SOX5: variants seen among roughly 807,000 people sequenced by gnomAD.
SOX5 encodes transcription factor SOX-5.
Under a neutral mutation model 92.0 loss-of-function variants are expected in SOX5, and 9 were observed. That is an observed-to-expected ratio of 0.10 (90% CI 0.06 to 0.17). SOX5 has a LOEUF of 0.17. SOX5 is among the 10% of genes least tolerant of loss of function. The probability of loss-of-function intolerance (pLI) is 1.00; values close to 1 mark genes in which losing one functional copy is unlikely to be tolerated. For synonymous variants in SOX5, 344 were observed against 336.3 expected, an observed-to-expected ratio of 1.02 and a Z score of -0.25; for missense variants, 642 against 944.5, an observed-to-expected ratio of 0.68 and a Z score of 4.20.
In SOX5 at chr12:24,074,630, CAAAAAAAAA is replaced by C. The variant is rs76320418; in HGVS notation, c.-2+138704_-2+138712del. On this transcript the variant is annotated intron_variant, in intron 4 of 4. Transcript: ENST00000446891. ...CTTAGTGTTTATTTCTGTAAACTAC[CAAAAAAAAA>C]AAAAAAAAAAAAAAGCTCAATATTC... 3.2e-3 allele frequency among the ~76,000 whole-genome samples: 162 copies of C among 51,280 alleles called. 1 individual carries two copies. Among genetic ancestry groups the C allele is most frequent in the African/African-American group, 0.011 (152 of 13,400 alleles). 33.6% of individuals were successfully genotyped at this position (51,280 alleles called of 152,430 possible).
At chr12:24,553,929 C>CTCCT (rs1953482299) in intron 1 of SOX5, among the ~76,000 whole-genome samples, 1 of 152,210 alleles carries the variant, frequency 6.6e-6, no homozygotes, top group Non-Finnish European at 1.5e-5. Flanking sequence ...GGAAAAGACA[C>CTCCT]TCCTATTCGG....
intron 4 of SOX5, among the ~76,000 whole-genome samples, chr12:24,117,837 T>C (rs974883629): frequency 1.3e-5 from 2 of 151,818 alleles, no homozygotes; most frequent in African/African-American, 2.4e-5. Flanking sequence ...CTGGCCAACA[T>C]AGTGAAACCC....
At chr12:24,099,098 C>T (rs1390843111) in intron 4 of SOX5, among the ~76,000 whole-genome samples, 2 of 152,134 alleles carry the variant, frequency 1.3e-5, no homozygotes, top group Non-Finnish European at 2.9e-5. Flanking sequence ...GGTCTTATTC[C>T]AAATAAAGTT....
intron 2 of SOX5, among the ~76,000 whole-genome samples, chr12:24,347,260 ATAATT>A (rs1340555208): frequency 6.6e-6 from 1 of 152,216 alleles, no homozygotes. Context: ...TAATCTAGAT[ATAATT>A]TAAAGTATAA....
intron 3 of SOX5, among the ~76,000 whole-genome samples, chr12:23,835,025 C>A (rs912805184): frequency 6.6e-6 from 1 of 151,584 alleles, no homozygotes; most frequent in Admixed American, 6.6e-5. Context: ...CTGTAATTAG[C>A]CTAAAGTTTG....
chr12:23,949,756 CTCTCTCTCTG>C (rs1945261907), upstream of SOX5: 103 of 891,782 alleles, frequency 1.2e-4, no homozygotes, highest in Admixed American at 1.4e-4. Context: ...CTCTCTCCCT[CTCTCTCTCTG>C]TCTCTCTCTC....
intron 11 of SOX5, among the ~76,000 whole-genome samples, chr12:23,557,649 TC>T (rs1945413259): frequency 6.6e-6 from 1 of 152,184 alleles, no homozygotes; most frequent in African/African-American, 2.4e-5. Flanking sequence ...TCTGTGTCAT[TC>T]AATTCTTTGT....
chr12:23,846,226 T>C lies in SOX5; in HGVS notation c.271-33A>G, dbSNP rs148177341. On this transcript the variant is annotated intron_variant, in intron 2 of 14. Coordinates refer to ENST00000451604, the MANE Select transcript of SOX5 (RefSeq NM_006940.6). ...AGAAAGCAAAATGACAAATAATTGT[T>C]TACCTGAAAGAGAGAGCAAAAGGAC... 110 of 1,509,696 alleles carry C rather than the reference T, an allele frequency of 7.3e-5. 1 individual carries two copies. In the East Asian group the frequency reaches 1.6e-3, roughly 23 times the overall value. 93.5% of individuals were successfully genotyped at this position (1,509,696 alleles called of 1,614,324 possible). A position where few individuals can be genotyped will look rare whatever the true frequency, so the allele number is the denominator to read the frequency against.
intron 3 of SOX5, among the ~76,000 whole-genome samples, chr12:23,800,248 AAC>A (rs2095636940): frequency 6.6e-6 from 1 of 152,200 alleles, no homozygotes; most frequent in African/African-American, 2.4e-5. Flanking sequence ...GTTTTGTTGG[AAC>A]ACACACAAAA....
chr12:24,287,325 A>G (rs958196790), intron 2 of SOX5, among the ~76,000 whole-genome samples: 18 of 149,186 alleles, frequency 1.2e-4, no homozygotes, highest in African/African-American at 4.4e-4. Flanking sequence ...TTCATTTTTG[A>G]AAAATTTACA....
chr12:23,847,865 C>T (rs2096591705), intron 2 of SOX5, among the ~76,000 whole-genome samples: 5 of 151,984 alleles, frequency 3.3e-5, no homozygotes, highest in Admixed American at 6.6e-5. Flanking sequence ...TACAAACTCC[C>T]GCACGTTAAG....
At chr12:23,657,337 A>C (rs78372293) in intron 7 of SOX5, among the ~76,000 whole-genome samples, 6,880 of 152,226 alleles carry the variant, frequency 0.045, 514 homozygotes, top group African/African-American at 0.15. Context: ...ACAGCAGCTA[A>C]ACCTGTATCC....
At chr12:23,576,334 C>G (rs561136609) in intron 9 of SOX5, among the ~76,000 whole-genome samples, 1 of 152,098 alleles carries the variant, frequency 6.6e-6, no homozygotes, top group East Asian at 1.9e-4. Flanking sequence ...AAATTCAACA[C>G]GCACACACAA....
intron 1 of SOX5, among the ~76,000 whole-genome samples, chr12:23,948,797 A>C (rs190077104): frequency 4.5e-4 from 69 of 152,234 alleles, no homozygotes; most frequent in Non-Finnish European, 7.1e-4. Flanking sequence ...AACAACATCA[A>C]ATAAAAGGAT....
chr12:23,716,027 G>A (rs73282027), intron 6 of SOX5, among the ~76,000 whole-genome samples: 7,327 of 152,074 alleles, frequency 0.048, 606 homozygotes, highest in African/African-American at 0.17. Context: ...TGATTCTAGG[G>A]TTTTCTTGAA....
At chr12:24,020,538 T>C (rs1225845528) in intron 4 of SOX5, among the ~76,000 whole-genome samples, 2 of 152,166 alleles carry the variant, frequency 1.3e-5, no homozygotes, top group South Asian at 2.1e-4. Flanking sequence ...GGCTAAGGTC[T>C]GCTATCATTC....
At chr12:24,447,622 C>A (rs1423777074) in intron 1 of SOX5, among the ~76,000 whole-genome samples, 1 of 152,092 alleles carries the variant, frequency 6.6e-6, no homozygotes, top group African/African-American at 2.4e-5. Flanking sequence ...CAAACTATAA[C>A]AACATAATAT....
At chr12:24,288,301 G>A (rs535391774) in intron 2 of SOX5, among the ~76,000 whole-genome samples, 11 of 152,192 alleles carry the variant, frequency 7.2e-5, no homozygotes, top group African/African-American at 2.7e-4. Context: ...TGCTAAGGTT[G>A]AGAAACCCTG....
At chr12:23,584,080 T>C (rs1471293742) in intron 9 of SOX5, among the ~76,000 whole-genome samples, 2 of 152,064 alleles carry the variant, frequency 1.3e-5, no homozygotes, top group East Asian at 1.9e-4. Context: ...AATGAGCACA[T>C]CAGCATCTCT....
Sources: gnomAD v4.1 joint callset for allele counts (sites outside exome capture counted in the v4.1 genomes callset) on GRCh38, gnomAD v4.1.1 for gene constraint, MANE v1.5 for transcripts, NCBI Gene and HGNC (gene_info 2026-07-23, HGNC 2026-07-21) for gene names.